Variants in CREB5 observed in about 807,000 individuals in gnomAD.
The protein encoded by CREB5 is cAMP responsive element binding protein 5.
Under a neutral mutation model 57.1 loss-of-function variants are expected in CREB5, and 19 were observed. The ratio of observed to expected loss-of-function variants is 0.33; its 90% CI spans 0.23 to 0.49. CREB5 has a LOEUF of 0.49. CREB5 is among the 20% of genes least tolerant of loss of function. The probability of loss-of-function intolerance (pLI) is 0.99; values close to 1 mark genes in which losing one functional copy is unlikely to be tolerated. For synonymous variants in CREB5, 238 were observed against 238.3 expected, an observed-to-expected ratio of 1.00 and a Z score of 0.01; for missense variants, 579 against 671.6, an observed-to-expected ratio of 0.86 and a Z score of 1.52.
chr7:28,733,916 A>ATGATT (rs1361308740), intron 7 of CREB5, among the ~76,000 whole-genome samples: 1 of 152,252 alleles, frequency 6.6e-6, no homozygotes, highest in African/African-American at 2.4e-5. Context: ...GATTTAAATC[A>ATGATT]TAATTTAATT....
At chr7:28,431,118 C>A (rs67858488) in intron 1 of CREB5, among the ~76,000 whole-genome samples, 4,154 of 152,230 alleles carry the variant, frequency 0.027, 108 homozygotes, top group African/African-American at 0.063. Context: ...GAGGAGAAAG[C>A]GAGAGATGGG....
chr7:28,421,666 A>G (rs1336677299), intron 1 of CREB5, among the ~76,000 whole-genome samples: 2 of 151,844 alleles, frequency 1.3e-5, no homozygotes, highest in African/African-American at 4.8e-5. Flanking sequence ...GTGTGTAGAA[A>G]GCTGTATCAT....
At chr7:28,749,967 A>G (rs1328532016) in intron 7 of CREB5, among the ~76,000 whole-genome samples, 1 of 152,160 alleles carries the variant, frequency 6.6e-6, no homozygotes, top group Non-Finnish European at 1.5e-5. Flanking sequence ...AAAGCTCACT[A>G]TATCTTTTCT....
At chr7:28,656,526 A>T (rs533409506) in intron 5 of CREB5, among the ~76,000 whole-genome samples, 2 of 152,362 alleles carry the variant, frequency 1.3e-5, no homozygotes, top group African/African-American at 2.4e-5. Flanking sequence ...TCATAGCAGC[A>T]TCGTGTATAA....
chr7:28,533,112 G>A (rs973922858), intron 4 of CREB5, among the ~76,000 whole-genome samples: 10 of 152,022 alleles, frequency 6.6e-5, no homozygotes, highest in Non-Finnish European at 1.0e-4. Flanking sequence ...AAAATTAGCC[G>A]GGTGTGGTGG....
At chr7:28,383,167 T>G (rs566402445) in intron 1 of CREB5, among the ~76,000 whole-genome samples, 74 of 152,080 alleles carry the variant, frequency 4.9e-4, no homozygotes, top group Non-Finnish European at 8.5e-4. Flanking sequence ...CTGCAAGGGA[T>G]TGGTGGATTC....
intron 5 of CREB5, among the ~76,000 whole-genome samples, chr7:28,607,807 A>G (rs904513063): frequency 2.7e-5 from 4 of 146,586 alleles, no homozygotes; most frequent in Non-Finnish European, 4.5e-5. Context: ...TACCATGTGC[A>G]TACTTGGAAA....
At chr7:28,654,550 G>T (rs1001988336) in intron 5 of CREB5, among the ~76,000 whole-genome samples, 2 of 152,302 alleles carry the variant, frequency 1.3e-5, no homozygotes, top group South Asian at 4.1e-4. Context: ...TCTGCATTCT[G>T]CAATTGAGAT....
intron 5 of CREB5, among the ~76,000 whole-genome samples, chr7:28,603,471 AC>A (rs894788312): frequency 1.2e-4 from 19 of 152,180 alleles, no homozygotes; most frequent in African/African-American, 4.6e-4. Flanking sequence ...TCCATGTCGT[AC>A]CAGCTCCCCA....
At chr7:28,456,737 T>C (rs1790108121) in intron 1 of CREB5, among the ~76,000 whole-genome samples, 1 of 152,216 alleles carries the variant, frequency 6.6e-6, no homozygotes, top group African/African-American at 2.4e-5. Context: ...TCCTTAAATA[T>C]GGGTGTTGTG....
intron 5 of CREB5, among the ~76,000 whole-genome samples, chr7:28,666,270 A>G (rs1799819171): frequency 6.6e-6 from 1 of 152,120 alleles, no homozygotes; most frequent in Non-Finnish European, 1.5e-5. Context: ...CACCCCTTAT[A>G]AATGTATATG....
chr7:28,743,730 G>A (rs762648070), intron 7 of CREB5, among the ~76,000 whole-genome samples: 1 of 151,898 alleles, frequency 6.6e-6, no homozygotes, highest in Non-Finnish European at 1.5e-5. Flanking sequence ...GGCTGTGCGG[G>A]GAAGAATCTG....
chr7:28,511,739 G>C (rs964484199), intron 4 of CREB5, among the ~76,000 whole-genome samples: 4 of 152,246 alleles, frequency 2.6e-5, no homozygotes, highest in Non-Finnish European at 4.4e-5. Flanking sequence ...GCCCGCCTCA[G>C]CCTCCCAAAG....
chr7:28,452,037 T>G (rs1457095688), intron 1 of CREB5, among the ~76,000 whole-genome samples: 3 of 152,246 alleles, frequency 2.0e-5, no homozygotes, highest in Non-Finnish European at 4.4e-5. Context: ...GCCTGGACTC[T>G]GCTTTTCCTT....
Position 28,673,389 on chromosome 7 carries a change from G to C in CREB5, c.465-45364G>C, listed in dbSNP as rs914843137. On this transcript the variant is annotated intron_variant, in intron 5 of 10. Transcript: ENST00000357727. ...CCCTGGAAAGCAGCTCTTAGAACCC[G>C]CTGGGCAGCCCACATTCCCAAACTG... Among the ~76,000 whole-genome samples the C allele has an allele frequency of 2.0e-4, 30 of 152,262 alleles. 1 individual carries two copies. In the Middle Eastern group the frequency reaches 0.01, roughly 52 times the overall value.
intron 5 of CREB5, among the ~76,000 whole-genome samples, chr7:28,661,992 T>C (rs10253677): frequency 0.13 from 19,769 of 152,232 alleles, 2,769 homozygotes; most frequent in African/African-American, 0.36. Context: ...TGTTTGGATC[T>C]GTTTCCTGTG....
At chr7:28,392,793 G>A (rs751446858) in intron 1 of CREB5, among the ~76,000 whole-genome samples, 60 of 152,206 alleles carry the variant, frequency 3.9e-4, no homozygotes, top group Middle Eastern at 3.2e-3. Context: ...CCTTAGTCCC[G>A]TAACTAGACC....
intron 1 of CREB5, among the ~76,000 whole-genome samples, chr7:28,399,467 C>T (rs1264086049): frequency 6.7e-6 from 1 of 148,740 alleles, no homozygotes; most frequent in African/African-American, 2.5e-5. Context: ...AGAATAGAGA[C>T]CCTGAAATAA....
intron 7 of CREB5, among the ~76,000 whole-genome samples, chr7:28,779,601 T>TTAGA (rs544726327): frequency 2.6e-5 from 4 of 152,168 alleles, no homozygotes; most frequent in African/African-American, 9.7e-5. Flanking sequence ...GAAGGTAGAC[T>TTAGA]TAGATAGGTA....
Sources: gnomAD v4.1 joint callset for allele counts (sites outside exome capture counted in the v4.1 genomes callset) on GRCh38, gnomAD v4.1.1 for gene constraint, MANE v1.5 for transcripts, NCBI Gene and HGNC (gene_info 2026-07-23, HGNC 2026-07-21) for gene names.